Variants in CSMD1 observed in about 807,000 individuals in gnomAD.
CSMD1 encodes CUB and sushi domain-containing protein 1.
Under a neutral mutation model 417.5 loss-of-function variants are expected in CSMD1, and 213 were observed. The observed-to-expected ratio is 0.51, with a 90% CI of 0.46 to 0.57. CSMD1 has a LOEUF of 0.57. Ranked by LOEUF, CSMD1 falls within the 20% of genes least tolerant of loss-of-function variation. The pLI, the probability that CSMD1 is intolerant of heterozygous loss-of-function variation, is 0.00. For missense variants in CSMD1, 6,923 were observed against 4,529.7 expected (o/e 1.53, Z -15.17); for synonymous variants, 2,862 against 1,736.8 (o/e 1.65, Z -16.11).
chr8:4,475,360 G>C (rs1800742957), intron 2 of CSMD1, among the ~76,000 whole-genome samples: 1 of 152,112 alleles, frequency 6.6e-6, no homozygotes. Context: ...TTAATAAAGA[G>C]TTAATGTATG....
At chr8:4,037,747 T>G (rs1237309794) in intron 3 of CSMD1, among the ~76,000 whole-genome samples, 1 of 152,164 alleles carries the variant, frequency 6.6e-6, no homozygotes, top group South Asian at 2.1e-4. Context: ...CTCTATCAGA[T>G]TTTACTGCAA....
chr8:4,620,614 G>C (rs1351431629), intron 2 of CSMD1, among the ~76,000 whole-genome samples: 1 of 151,816 alleles, frequency 6.6e-6, no homozygotes, highest in Non-Finnish European at 1.5e-5. Flanking sequence ...AAGACTGCTT[G>C]AAAAGCCCAA....
At chr8:3,677,018 G>C (rs574572964) in intron 7 of CSMD1, among the ~76,000 whole-genome samples, 85 of 152,214 alleles carry the variant, frequency 5.6e-4, no homozygotes, top group Non-Finnish European at 4.4e-5. Flanking sequence ...TTGGGGGCAA[G>C]GGGAGGGAGA....
intron 38 of CSMD1, among the ~76,000 whole-genome samples, chr8:3,159,634 C>A (rs1425983022): frequency 6.6e-6 from 1 of 152,158 alleles, no homozygotes; most frequent in East Asian, 1.9e-4. Context: ...AATCCAGAAT[C>A]CTTTTTTGCT....
intron 1 of CSMD1, among the ~76,000 whole-genome samples, chr8:4,753,403 CCACA>C (rs71209121): frequency 0.15 from 20,720 of 137,458 alleles, 1,545 homozygotes; most frequent in East Asian, 0.23. Context: ...CCACCATAAA[CCACA>C]CACACACACA....
chr8:4,008,410 T>C (rs1046857035), intron 4 of CSMD1, among the ~76,000 whole-genome samples: 1 of 151,586 alleles, frequency 6.6e-6, no homozygotes, highest in Non-Finnish European at 1.5e-5. Flanking sequence ...ATATGTATTA[T>C]ATAATTTTTT....
At chr8:3,221,153 G>C (rs982462677) in intron 28 of CSMD1, among the ~76,000 whole-genome samples, 2 of 152,144 alleles carry the variant, frequency 1.3e-5, no homozygotes, top group Admixed American at 1.3e-4. Context: ...CCATGAAGGG[G>C]AACAGAGAAC....
chr8:4,188,360 C>G (rs1394364733), intron 3 of CSMD1, among the ~76,000 whole-genome samples: 1 of 152,172 alleles, frequency 6.6e-6, no homozygotes, highest in Non-Finnish European at 1.5e-5. Flanking sequence ...GAGGTGCCTT[C>G]ATTCATTCTG....
intron 5 of CSMD1, among the ~76,000 whole-genome samples, chr8:3,846,912 T>G (rs1275440404): frequency 4.6e-5 from 7 of 152,202 alleles, no homozygotes; most frequent in African/African-American, 4.8e-5. Context: ...TGACCTTAGG[T>G]GATCCACCCG....
chr8:3,036,415 C>A (rs1344113559), intron 50 of CSMD1, among the ~76,000 whole-genome samples: 2 of 152,156 alleles, frequency 1.3e-5, no homozygotes, highest in Non-Finnish European at 2.9e-5. Flanking sequence ...GAAGTCTCCC[C>A]TATCGTACTC....
chr8:4,924,493 C>T (rs1168756927), intron 1 of CSMD1, among the ~76,000 whole-genome samples: 2 of 152,006 alleles, frequency 1.3e-5, no homozygotes, highest in African/African-American at 2.4e-5. Flanking sequence ...GAGGCTGGGG[C>T]GGGTAGATCA....
chr8:3,586,001 C>G, intron 9 of CSMD1, 135 bp downstream of exon 9: 2 of 860,640 alleles, frequency 2.3e-6, no homozygotes, highest in Non-Finnish European at 3.4e-6. Context: ...TTACCCACAT[C>G]ACTATGAAAA....
intron 2 of CSMD1, among the ~76,000 whole-genome samples, chr8:4,524,972 G>C (rs1385393478): frequency 6.6e-6 from 1 of 152,012 alleles, no homozygotes; most frequent in African/African-American, 2.4e-5. Context: ...AGAACAACTT[G>C]CCACGTATTT....
Position 3,252,822 on chromosome 8 carries a change from T to G in CSMD1, c.4154-22591A>C, listed in dbSNP as rs559225425. On this transcript the variant is annotated intron_variant, in intron 26 of 69. Transcript: ENST00000635120. ...GTATGTGTCCAGAAATTTATCCATT[T>G]CTTCTAGATTTTCTAGTTTATTTGC... 2.7e-3 allele frequency among the ~76,000 whole-genome samples: 417 copies of G among 152,360 alleles called. 1 individual carries two copies. Among genetic ancestry groups the G allele is most frequent in the Non-Finnish European group, 5.2e-3 (355 of 68,028 alleles).
At chr8:4,410,705 T>TGGGAGAG (rs549776978) in intron 3 of CSMD1, among the ~76,000 whole-genome samples, 451 of 152,232 alleles carry the variant, frequency 3.0e-3, no homozygotes, top group African/African-American at 0.01. Flanking sequence ...AAAAAAATCT[T>TGGGAGAG]GGGAGAGAAG....
At chr8:4,882,223 G>A (rs1803451496) in intron 1 of CSMD1, among the ~76,000 whole-genome samples, 1 of 151,856 alleles carries the variant, frequency 6.6e-6, no homozygotes, top group South Asian at 2.1e-4. Context: ...CCACACACTG[G>A]GACCAGCATC....
rs554762967 is a variant in CSMD1, at chr8:3,695,613, T to G, written c.1009+12801A>C. Among the ~76,000 whole-genome samples the G allele has an allele frequency of 1.6e-3, 239 of 152,332 alleles. 1 individual carries two copies. The highest frequency in any genetic ancestry group is 5.5e-3 in the African/African-American group (227 of 41,590). Reference sequence around the variant, plus strand: ...ATAGTACTAGAGGAAAATGTTCACGTGTTTCACAAAAGCATCCAGAAAGGA... The same window carrying G: ...ATAGTACTAGAGGAAAATGTTCACGGGTTTCACAAAAGCATCCAGAAAGGA... On this transcript the variant is annotated intron_variant, in intron 7 of 69. Transcript: ENST00000635120.
chr8:3,425,682 G>A (rs1386634314), intron 12 of CSMD1, among the ~76,000 whole-genome samples: 3 of 151,868 alleles, frequency 2.0e-5, no homozygotes, highest in South Asian at 2.1e-4. Context: ...TTACTCTTCT[G>A]TTGTTGTTAG....
intron 3 of CSMD1, among the ~76,000 whole-genome samples, chr8:4,210,516 G>C (rs1363417354): frequency 6.6e-6 from 1 of 152,074 alleles, no homozygotes; most frequent in Non-Finnish European, 1.5e-5. Context: ...TTATATCTTA[G>C]TGTGAAATTG....
Sources: gnomAD v4.1 joint callset for allele counts (sites outside exome capture counted in the v4.1 genomes callset) on GRCh38, gnomAD v4.1.1 for gene constraint, MANE v1.5 for transcripts, NCBI Gene and HGNC (gene_info 2026-07-23, HGNC 2026-07-21) for gene names.